Variants in AFAP1 observed in about 807,000 individuals in gnomAD.
AFAP1 encodes the protein actin filament-associated protein 1.
AFAP1 carries 75 observed loss-of-function variants against 93.9 expected under a neutral mutation model. The observed-to-expected ratio is 0.80, with a 90% CI of 0.66 to 0.97. The LOEUF (loss-of-function observed/expected upper bound fraction) is 0.97. Among genes scored for constraint, AFAP1 ranks in the 50% least tolerant of loss-of-function variants. The probability of loss-of-function intolerance (pLI) is 0.00; values close to 1 mark genes in which losing one functional copy is unlikely to be tolerated. For synonymous variants in AFAP1, 517 were observed against 430.7 expected (o/e 1.20, Z -2.48); for missense variants, 1,201 against 1,050.8 (o/e 1.14, Z -1.98).
intron 6 of AFAP1, among the ~76,000 whole-genome samples, chr4:7,834,544 T>C (rs1056393417): frequency 6.6e-5 from 10 of 152,040 alleles, no homozygotes; most frequent in African/African-American, 2.4e-4. Context: ...AAAAGCAAGA[T>C]AAAATAGAGG....
chr4:7,810,047 G>A (rs544201390), intron 8 of AFAP1, among the ~76,000 whole-genome samples: 1 of 152,288 alleles, frequency 6.6e-6, no homozygotes, highest in South Asian at 2.1e-4. Flanking sequence ...ACTTTTTGTA[G>A]AAATGGGGTT....
intron 16 of AFAP1, among the ~76,000 whole-genome samples, chr4:7,771,496 T>C (rs921145138): frequency 6.6e-6 from 1 of 152,136 alleles, no homozygotes; most frequent in African/African-American, 2.4e-5. Flanking sequence ...CAACAAGCAA[T>C]TGTTGGATGA....
At chr4:7,857,333 C>G (rs1251515776) in intron 3 of AFAP1, among the ~76,000 whole-genome samples, 2 of 152,162 alleles carry the variant, frequency 1.3e-5, no homozygotes, top group Non-Finnish European at 2.9e-5. Context: ...AATGACTAAT[C>G]ACCCACTGCA....
intron 8 of AFAP1, among the ~76,000 whole-genome samples, chr4:7,810,879 CTA>C (rs2149053206): frequency 6.6e-6 from 1 of 152,342 alleles, no homozygotes; most frequent in Non-Finnish European, 1.5e-5. Context: ...AGCTGGCATC[CTA>C]TGTCTGCCCC....
At chr4:7,882,188 C>T (rs571556555) in intron 1 of AFAP1, among the ~76,000 whole-genome samples, 30 of 151,764 alleles carry the variant, frequency 2.0e-4, no homozygotes, top group Middle Eastern at 3.4e-3. Flanking sequence ...TATGCAGATA[C>T]GCTTGAAACT....
At chr4:7,919,322 C>T (rs1392042418) in intron 1 of AFAP1, among the ~76,000 whole-genome samples, 2 of 152,230 alleles carry the variant, frequency 1.3e-5, no homozygotes, top group Non-Finnish European at 2.9e-5. Context: ...ATCACTGCAA[C>T]ACAGAGCTTC....
chr4:7,771,043 A>G (rs2148956705), intron 16 of AFAP1, among the ~76,000 whole-genome samples: 1 of 152,280 alleles, frequency 6.6e-6, no homozygotes, highest in East Asian at 1.9e-4. Context: ...TTGGATTCCA[A>G]TTCCCCCTGC....
intron 6 of AFAP1, among the ~76,000 whole-genome samples, chr4:7,822,607 C>CA (rs1721070483): frequency 7.9e-6 from 1 of 126,988 alleles, no homozygotes; most frequent in Admixed American, 8.7e-5. Context: ...TTTTTTGAGA[C>CA]AGAGTCTCGC....
intron 6 of AFAP1, among the ~76,000 whole-genome samples, chr4:7,820,936 T>C (rs1342521343): frequency 1.3e-5 from 2 of 152,032 alleles, no homozygotes; most frequent in Non-Finnish European, 2.9e-5. Flanking sequence ...CTGACCAACA[T>C]GGAGAAGCCC....
chr4:7,896,893 C>T lies in AFAP1; in HGVS notation c.-2-24813G>A, dbSNP rs1332093632. 2.0e-5 allele frequency among the ~76,000 whole-genome samples: 3 copies of T among 151,778 alleles called. No individual in the cohort carries two copies. In the East Asian group the frequency reaches 5.8e-4, roughly 30 times the overall value. Reference sequence around the variant, plus strand: ...CCCAACCGCCCGGCAGCACATGATGCCTGGCAGCATGTGACACGGTGTGAC... The same window carrying T: ...CCCAACCGCCCGGCAGCACATGATGTCTGGCAGCATGTGACACGGTGTGAC... On this transcript the variant is annotated intron_variant, in intron 1 of 17. Coordinates refer to ENST00000420658, the MANE Select transcript of AFAP1 (RefSeq NM_001134647.2).
chr4:7,789,674 C>T (rs1452175041), intron 11 of AFAP1, among the ~76,000 whole-genome samples: 1 of 149,972 alleles, frequency 6.7e-6, no homozygotes, highest in Non-Finnish European at 1.5e-5. Flanking sequence ...TTTCCATCCT[C>T]TTTATCCTCA....
chr4:7,899,251 A>C (rs1006928083), intron 1 of AFAP1, among the ~76,000 whole-genome samples: 2 of 152,094 alleles, frequency 1.3e-5, no homozygotes, highest in South Asian at 4.1e-4. Context: ...ATATCCTCAC[A>C]AACTTTTACA....
chr4:7,913,595 T>A (rs900709642), intron 1 of AFAP1, among the ~76,000 whole-genome samples: 1 of 152,168 alleles, frequency 6.6e-6, no homozygotes, highest in African/African-American at 2.4e-5. Flanking sequence ...TCACAATGCC[T>A]GGACAACAAC....
chr4:7,861,839 A>C (rs1052099942), intron 3 of AFAP1: 1 of 152,290 alleles, frequency 6.6e-6, no homozygotes, highest in South Asian at 2.1e-4. Context: ...CTTACGCCAC[A>C]GGAAAATGAA....
chr4:7,866,085 G>A (rs750755081), intron 3 of AFAP1, among the ~76,000 whole-genome samples: 6 of 151,912 alleles, frequency 3.9e-5, no homozygotes, highest in South Asian at 2.1e-4. Context: ...TAGTAGAGAC[G>A]GGGGTTTCAC....
rs369384688 is a variant in AFAP1 at position 7,778,856 on chromosome 4, G to C, written c.1803C>G (p.Pro601=). 7.4e-6 allele frequency: 12 copies of C among 1,613,310 alleles called. No individual in the cohort carries two copies. The highest frequency in any genetic ancestry group is 1.7e-4 in the Middle Eastern group (1 of 6,058). ...TTCCTGTGACCCCATTAGACGCCAC[G>C]GGGGGCTTTTTACCCTTGAGCTGTT... ...LNSQLKGKKP[P]VASNGVTGKG... is the part of the protein sequence containing the mutation. The change falls in exon 14 of 18, where the codon CCC becomes CCG. Residue 601 remains proline (P), a synonymous_variant. Coordinates refer to ENST00000420658, the MANE Select transcript of AFAP1 (RefSeq NM_001134647.2).
At chr4:7,885,120 C>T (rs1366515925) in intron 1 of AFAP1, among the ~76,000 whole-genome samples, 1 of 152,206 alleles carries the variant, frequency 6.6e-6, no homozygotes, top group Non-Finnish European at 1.5e-5. Context: ...GACCAACCTG[C>T]TTTTCAGAAA....
intron 8 of AFAP1, among the ~76,000 whole-genome samples, chr4:7,810,981 G>A (rs1204045147): frequency 6.6e-6 from 1 of 152,240 alleles, no homozygotes; most frequent in African/African-American, 2.4e-5. Flanking sequence ...CAAGAAATCA[G>A]AACGTGCGTG....
At chr4:7,787,486 G>T (rs1717411891) in intron 11 of AFAP1, among the ~76,000 whole-genome samples, 4 of 152,228 alleles carry the variant, frequency 2.6e-5, no homozygotes, top group African/African-American at 9.6e-5. Flanking sequence ...ACTGGCATCT[G>T]AAGTGGAGTC....
Sources: gnomAD v4.1 joint callset for allele counts (sites outside exome capture counted in the v4.1 genomes callset) on GRCh38, gnomAD v4.1.1 for gene constraint, MANE v1.5 for transcripts, NCBI Gene and HGNC (gene_info 2026-07-23, HGNC 2026-07-21) for gene names.